KCNG2: variants seen among roughly 807,000 people sequenced by gnomAD.
KCNG2 encodes the protein voltage-gated potassium channel regulatory subunit KCNG2.
KCNG2 carries 7 observed loss-of-function variants against 12.3 expected under a neutral mutation model. That is an observed-to-expected ratio of 0.57 (90% CI 0.32 to 1.07). The LOEUF (loss-of-function observed/expected upper bound fraction) is 1.07. Among genes scored for constraint, KCNG2 ranks in the 50% least tolerant of loss-of-function variants. The pLI is 0.04. For synonymous variants in KCNG2, 414 were observed against 351.4 expected, an observed-to-expected ratio of 1.18 and a Z score of -1.99; for missense variants, 703 against 726.0, an observed-to-expected ratio of 0.97 and a Z score of 0.36.
chr18:79,877,977 G>T (rs1224169491), intron 3 of KCNG2, among the ~76,000 whole-genome samples: 2 of 150,244 alleles, frequency 1.3e-5, no homozygotes, highest in Non-Finnish European at 3.0e-5. Context: ...GGTTCCTGTG[G>T]CCACGTCCTG....
chr18:79,857,640 T>A (rs1979063221), intron 2 of KCNG2, among the ~76,000 whole-genome samples: 1 of 151,882 alleles, frequency 6.6e-6, no homozygotes, highest in African/African-American at 2.4e-5. Context: ...AATACAGTTG[T>A]CAGCAACAAC....
chr18:79,899,372 G>C lies in KCNG2; in HGVS notation c.957G>C (p.Ala319=), dbSNP rs776240227. 2.6e-6 allele frequency: 4 copies of C among 1,558,592 alleles called. No individual in the cohort carries two copies. The African/African-American group carries it at 5.5e-5, about 22-fold the overall frequency. ...TGGGCCTGACCATGCGCCGCTGCGC[G>C]CGCGAGTTCGGGCTGCTGCTGCTGT... ...RSLGLTMRRC[A]REFGLLLLFL... Residue 319 remains alanine (A), a synonymous_variant, in exon 4 of 4, where the codon GCG becomes GCC. Transcript: ENST00000316249.
intron 1 of KCNG2, among the ~76,000 whole-genome samples, chr18:79,853,118 T>C (rs1340278396): frequency 6.6e-6 from 1 of 152,218 alleles, no homozygotes; most frequent in African/African-American, 2.4e-5. Context: ...GTGTGTGCCC[T>C]GAAGTGTTCC....
intron 1 of KCNG2, chr18:79,815,995 G>A (rs546908298): frequency 2.6e-5 from 4 of 152,348 alleles, no homozygotes; most frequent in South Asian, 4.1e-4. Context: ...TTCTGGTGGT[G>A]GGATTGGGTA....
In KCNG2 at chr18:79,800,018, G is replaced by A. The variant is rs998387289; in HGVS notation, c.-115+2004G>A. Among the ~76,000 whole-genome samples, 10 of 152,216 alleles carry A rather than the reference G, an allele frequency of 6.6e-5. No individual in the cohort carries two copies. Among genetic ancestry groups the A allele is most frequent in the African/African-American group, 2.4e-4 (10 of 41,454 alleles). ...TCGGGAGGATCTGCGCAGCTTTGTT[G>A]TTCTTTTGTCTGATGGTTGGGGGCT... On this transcript the variant is annotated intron_variant, in intron 1 of 3. Transcript: ENST00000316249. The surrounding 1 kb of genome is among the most constrained non-coding windows in gnomAD (Gnocchi z 4.0).
intron 1 of KCNG2, among the ~76,000 whole-genome samples, chr18:79,826,004 A>C (rs970039333): frequency 3.3e-5 from 5 of 152,110 alleles, no homozygotes; most frequent in African/African-American, 1.2e-4. Flanking sequence ...CATGACCCCC[A>C]TAGAGACGTG....
rs975509144 is a variant in KCNG2, at chr18:79,822,356, C to T, written c.-115+24342C>T. Among the ~76,000 whole-genome samples, 4 of 152,156 alleles carry T rather than the reference C, an allele frequency of 2.6e-5. No individual in the cohort carries two copies. The highest frequency in any genetic ancestry group is 9.7e-5 in the African/African-American group (4 of 41,436). ...ACTAGAGCCACGGTTCTGTCCAGGG[C>T]CCCTCACCATCGTTCCCATCATCCG... On this transcript the variant is annotated intron_variant, in intron 1 of 3. Transcript: ENST00000316249. The surrounding 1 kb of genome is among the most constrained non-coding windows in gnomAD (Gnocchi z 4.4).
intron 1 of KCNG2, among the ~76,000 whole-genome samples, chr18:79,805,694 C>A (rs2087444218): frequency 6.6e-6 from 1 of 152,210 alleles, no homozygotes; most frequent in South Asian, 2.1e-4. Flanking sequence ...CACCTGACGG[C>A]CTCATCCACC....
intron 3 of KCNG2, among the ~76,000 whole-genome samples, chr18:79,869,500 G>A (rs1173586898): frequency 6.6e-6 from 1 of 152,110 alleles, no homozygotes; most frequent in Non-Finnish European, 1.5e-5. Flanking sequence ...CCACAGATGT[G>A]CTGGGACGGC....
intron 1 of KCNG2, among the ~76,000 whole-genome samples, chr18:79,830,247 G>C (rs1464904748): frequency 1.3e-5 from 2 of 152,192 alleles, no homozygotes; most frequent in Admixed American, 1.3e-4. Context: ...CACCTCCCCT[G>C]AAAGCAGAAC....
intron 1 of KCNG2, chr18:79,816,262 C>A: frequency 6.6e-6 from 1 of 152,474 alleles, no homozygotes; most frequent in Non-Finnish European, 1.5e-5. Flanking sequence ...CAAGTTCCCT[C>A]CTCAGAGGTG....
At chr18:79,861,138 C>T (rs1979201484) in intron 2 of KCNG2, among the ~76,000 whole-genome samples, 1 of 152,142 alleles carries the variant, frequency 6.6e-6, no homozygotes, top group African/African-American at 2.4e-5. Flanking sequence ...TATTGTGCCA[C>T]CCGTGTATTC....
At position 79,884,681 on chromosome 18, in the gene KCNG2, G is replaced by A. The variant is rs938075560; in HGVS notation, c.625-14359G>A. 1.3e-5 allele frequency among the ~76,000 whole-genome samples: 2 copies of A among 152,216 alleles called. No homozygotes were observed. Among genetic ancestry groups the A allele is most frequent in the South Asian group, 2.1e-4 (1 of 4,834 alleles). ...AATGTTTGTGGTTTCCAAAGAGACC[G>A]GACACGCCCAAGGCCCACAGACACG... On this transcript the variant is annotated intron_variant, in intron 3 of 3. Coordinates refer to ENST00000316249, the MANE Select transcript of KCNG2 (RefSeq NM_012283.2). This position sits in a 1 kb window ranked among gnomAD's most constrained non-coding sequence, Gnocchi z 5.5.
chr18:79,896,228 A>G (rs906647833), intron 3 of KCNG2, among the ~76,000 whole-genome samples: 3 of 150,844 alleles, frequency 2.0e-5, no homozygotes, highest in Non-Finnish European at 4.4e-5. Flanking sequence ...GGCCTCCCAA[A>G]GTGCTGGGAT....
At chr18:79,829,144 G>T (rs1393294640) in intron 1 of KCNG2, among the ~76,000 whole-genome samples, 1 of 141,608 alleles carries the variant, frequency 7.1e-6, no homozygotes, top group Admixed American at 7.1e-5. Flanking sequence ...CTGTGTGTGG[G>T]TGTCTATGTG....
intron 3 of KCNG2, among the ~76,000 whole-genome samples, chr18:79,869,317 C>T (rs747978998): frequency 1.3e-5 from 2 of 152,196 alleles, no homozygotes; most frequent in Non-Finnish European, 2.9e-5. Context: ...GTCTGCTGCA[C>T]ACGGCGGGTG....
chr18:79,877,720 G>A (rs894662359), intron 3 of KCNG2, among the ~76,000 whole-genome samples: 2 of 152,230 alleles, frequency 1.3e-5, no homozygotes, highest in Non-Finnish European at 2.9e-5. Flanking sequence ...GGTGACAAGT[G>A]CAGCTGCAGC....
rs368134923 is a variant in KCNG2, at chr18:79,852,748, G to A, written c.-114-3631G>A. ...AATGAAGTGGCTTCTCCAGCTTCCC[G>A]GCCAATCAGGGGCGGAGCCGTAATT... is the stretch of plus-strand genomic sequence containing the variant. On this transcript the variant is annotated intron_variant, in intron 1 of 3. Transcript: ENST00000316249. Among the ~76,000 whole-genome samples the A allele has an allele frequency of 1.4e-3, 211 of 152,356 alleles. 1 individual carries two copies. The highest frequency in any genetic ancestry group is 4.8e-3 in the African/African-American group (198 of 41,592).
intron 1 of KCNG2, among the ~76,000 whole-genome samples, chr18:79,827,170 G>A (rs889676312): frequency 2.6e-5 from 4 of 152,174 alleles, no homozygotes; most frequent in Non-Finnish European, 4.4e-5. Context: ...AGCTTAGCAG[G>A]TGCGCCCCCA....
Sources: allele counts gnomAD v4.1 joint callset (sites outside exome capture counted in the v4.1 genomes callset), GRCh38; gene constraint gnomAD v4.1.1; non-coding constraint Gnocchi (gnomAD v3.1); transcripts MANE v1.5; gene names NCBI Gene and HGNC (gene_info 2026-07-23, HGNC 2026-07-21).